Variants in FGF12 observed in about 807,000 individuals in gnomAD.
FGF12 encodes fibroblast growth factor 12B.
A neutral mutation model predicts 23.6 loss-of-function variants in FGF12; 14 were observed. That is an observed-to-expected ratio of 0.59 (90% confidence interval 0.39 to 0.93). The LOEUF (loss-of-function observed/expected upper bound fraction) is 0.93, where lower values mean the gene tolerates loss of function less well. Ranked by LOEUF, FGF12 falls within the 40% of genes least tolerant of loss-of-function variation. The probability of loss-of-function intolerance (pLI) is 0.00; values close to 1 mark genes in which losing one functional copy is unlikely to be tolerated. For synonymous variants in FGF12, 62 were observed against 77.3 expected, an observed-to-expected ratio of 0.80 and a Z score of 1.04; for missense variants, 175 against 217.8, an observed-to-expected ratio of 0.80 and a Z score of 1.24.
intron 2 of FGF12, among the ~76,000 whole-genome samples, chr3:192,649,214 C>T (rs1716119166): frequency 6.6e-6 from 1 of 152,134 alleles, no homozygotes; most frequent in African/African-American, 2.4e-5. Flanking sequence ...GAAGTGATTT[C>T]ACCTATCCCT....
chr3:192,374,288 A>G (rs9842138), intron 2 of FGF12, among the ~76,000 whole-genome samples: 39,241 of 152,182 alleles, frequency 0.26, 7,168 homozygotes, highest in African/African-American at 0.5. Flanking sequence ...CTTCCCAAGT[A>G]TGTATCCACA....
At chr3:192,464,901 C>A (rs1040349187) in intron 2 of FGF12, among the ~76,000 whole-genome samples, 1 of 152,106 alleles carries the variant, frequency 6.6e-6, no homozygotes, top group African/African-American at 2.4e-5. Context: ...GCTGAATGAG[C>A]AAAGCTAAAG....
At chr3:192,627,747 T>G (rs943795900) in intron 2 of FGF12, among the ~76,000 whole-genome samples, 5 of 152,134 alleles carry the variant, frequency 3.3e-5, no homozygotes, top group African/African-American at 1.2e-4. Context: ...TTACGTAGTT[T>G]CCCCCAATGG....
At chr3:192,457,069 C>T (rs1260808530) in intron 2 of FGF12, among the ~76,000 whole-genome samples, 1 of 152,210 alleles carries the variant, frequency 6.6e-6, no homozygotes, top group African/African-American at 2.4e-5. Context: ...TCCGCTTTTG[C>T]ATCTTCCCCA....
At chr3:192,630,684 C>T (rs1342304789) in intron 2 of FGF12, among the ~76,000 whole-genome samples, 1 of 151,240 alleles carries the variant, frequency 6.6e-6, no homozygotes. Context: ...TCCCGAGTAG[C>T]TGGGACTACA....
At chr3:192,566,908 C>T (rs1712317346) in intron 2 of FGF12, among the ~76,000 whole-genome samples, 2 of 152,144 alleles carry the variant, frequency 1.3e-5, no homozygotes, top group Admixed American at 1.3e-4. Context: ...GCAGCAAGAG[C>T]CGGCGGCCTA....
At chr3:192,214,692 T>A (rs1434625578) in intron 4 of FGF12, among the ~76,000 whole-genome samples, 1 of 152,198 alleles carries the variant, frequency 6.6e-6, no homozygotes, top group Admixed American at 6.5e-5. Context: ...TAAAAGTTGT[T>A]AAAAATGCCA....
intron 2 of FGF12, among the ~76,000 whole-genome samples, chr3:192,515,903 T>C (rs1724654133): frequency 6.6e-6 from 1 of 151,028 alleles, no homozygotes; most frequent in East Asian, 2.0e-4. Flanking sequence ...ATGGGAAGAA[T>C]GCTGTCGAAG....
intron 5 of FGF12, among the ~76,000 whole-genome samples, chr3:192,146,272 A>ATATATTTTTTT (rs746233904): frequency 4.2e-5 from 6 of 143,254 alleles, no homozygotes; most frequent in African/African-American, 1.6e-4. Context: ...TAAAGTGTAT[A>ATATATTTTTTT]TTTTTTTTTT....
chr3:192,307,813 A>G (rs1439021487), intron 4 of FGF12, among the ~76,000 whole-genome samples: 3 of 152,164 alleles, frequency 2.0e-5, no homozygotes, highest in Admixed American at 1.3e-4. Flanking sequence ...ATTTTGGACT[A>G]CTGGATCAGT....
At chr3:192,724,902 T>C in intron 2 of FGF12, among the ~76,000 whole-genome samples, 1 of 152,170 alleles carries the variant, frequency 6.6e-6, no homozygotes, top group East Asian at 1.9e-4. Context: ...TAGAGAACTC[T>C]TGAACCCTCA....
intron 2 of FGF12, among the ~76,000 whole-genome samples, chr3:192,567,812 T>G (rs1368582574): frequency 6.7e-6 from 1 of 148,932 alleles, no homozygotes; most frequent in South Asian, 2.1e-4. Flanking sequence ...TCTTTCTTTC[T>G]TTCTCTCTCT....
chr3:192,255,797 A>G (rs1712347444), intron 4 of FGF12, among the ~76,000 whole-genome samples: 5 of 152,054 alleles, frequency 3.3e-5, no homozygotes. Context: ...ATGCACATAC[A>G]TTTTCCTAGA....
chr3:192,623,420 A>C (rs541271536), intron 2 of FGF12, among the ~76,000 whole-genome samples: 1 of 64,488 alleles, frequency 1.6e-5, no homozygotes, highest in East Asian at 3.9e-4. Context: ...ACTGCTACTA[A>C]TACAGATTTG....
chr3:192,687,352 C>T (rs944169576), intron 2 of FGF12, among the ~76,000 whole-genome samples: 3 of 151,816 alleles, frequency 2.0e-5, no homozygotes, highest in East Asian at 1.9e-4. Flanking sequence ...AGTGAAGACT[C>T]TCACGCCCCA....
chr3:192,300,247 T>C (rs574296630), intron 4 of FGF12, among the ~76,000 whole-genome samples: 3 of 152,316 alleles, frequency 2.0e-5, no homozygotes, highest in African/African-American at 7.2e-5. Flanking sequence ...CCAGTGGTAC[T>C]TACTAAATTA....
intron 5 of FGF12, among the ~76,000 whole-genome samples, chr3:192,167,738 T>C (rs1315336696): frequency 4.9e-5 from 1 of 20,514 alleles, no homozygotes; most frequent in Non-Finnish European, 8.9e-5. Context: ...TAGGTATATA[T>C]ATATATATAT....
chr3:192,437,239 C>T (rs1262717627), intron 2 of FGF12, among the ~76,000 whole-genome samples: 1 of 152,186 alleles, frequency 6.6e-6, no homozygotes, highest in African/African-American at 2.4e-5. Context: ...AACAATACCA[C>T]TCTCAAAATC....
intron 2 of FGF12, among the ~76,000 whole-genome samples, chr3:192,407,823 T>G (rs747537910): frequency 2.0e-5 from 3 of 152,200 alleles, no homozygotes; most frequent in Non-Finnish European, 2.9e-5. Context: ...CCCGGACTGA[T>G]CAAAGTAGAG....
Sources: gnomAD v4.1 joint callset for allele counts (sites outside exome capture counted in the v4.1 genomes callset) on GRCh38, gnomAD v4.1.1 for gene constraint, MANE v1.5 for transcripts, NCBI Gene and HGNC (gene_info 2026-07-23, HGNC 2026-07-21) for gene names.